Variants in CEACAM1 observed in about 807,000 individuals in gnomAD.
CEACAM1 encodes CEA cell adhesion molecule 1.
In CEACAM1, 31 loss-of-function variants were observed where a neutral mutation model predicts 49.1. The observed-to-expected ratio is 0.63, with a 90% CI of 0.47 to 0.85. CEACAM1 has a LOEUF of 0.85. CEACAM1 is among the 40% of genes least tolerant of loss of function. The pLI is 0.00. For missense variants in CEACAM1, 570 were observed against 645.3 expected (o/e 0.88, Z 1.26); for synonymous variants, 244 against 247.8 (o/e 0.98, Z 0.14).
intron 5 of CEACAM1, among the ~76,000 whole-genome samples, chr19:42,514,530 C>T (rs997558499): frequency 2.6e-5 from 4 of 152,226 alleles, no homozygotes; most frequent in South Asian, 2.1e-4. Context: ...CCTCCAGCCT[C>T]GGCCTCCCAA....
intron 7 of CEACAM1, chr19:42,511,208 C>T: frequency 1.7e-6 from 1 of 573,824 alleles, no homozygotes; most frequent in South Asian, 2.2e-5. Context: ...CAAGGAGGGG[C>T]ATTGAGACTT....
chr19:42,514,547 G>T (rs1052194196), intron 5 of CEACAM1, among the ~76,000 whole-genome samples: 1 of 152,210 alleles, frequency 6.6e-6, no homozygotes, highest in African/African-American at 2.4e-5. Context: ...CCAAATGTTG[G>T]GATTACAGGT....
Position 42,527,680 on chromosome 19 carries a change from G to A in CEACAM1, c.65-280C>T, listed in dbSNP as rs41394644. 511 of 364,414 alleles carry A rather than the reference G, an allele frequency of 1.4e-3. 2 individuals are homozygous for A. Among genetic ancestry groups the A allele is most frequent in the South Asian group, 2.3e-3 (41 of 18,066 alleles). The allele number at this position is 364,414 out of a possible 1,614,324, so 22.6% of individuals were successfully genotyped here. On this transcript the variant is annotated intron_variant, in intron 1 of 8. Transcript: ENST00000161559. ...CTGCCCTCAGATCTTGATCACATCAGGGTGCTCTTGGGAGATCCTTTCCCT... is the reference window on the plus strand; with the variant it reads ...CTGCCCTCAGATCTTGATCACATCAAGGTGCTCTTGGGAGATCCTTTCCCT...
In CEACAM1 at chr19:42,512,456, C is replaced by G. The variant is rs764752050; in HGVS notation, c.1270G>C (p.Gly424Arg). The change falls in exon 6 of 9, where the codon GGC becomes CGC. Residue 424 changes from glycine (G) to arginine (R), a missense_variant. By Grantham distance (125) the Gly-to-Arg change is moderately radical. Transcript: ENST00000161559. Reference sequence around the variant, plus strand: ...CCAGCAATGGCCCCAGGTGAGAGGCCATTTTCTTGTGGTAGAGCATTATCT... The same window carrying G: ...CCAGCAATGGCCCCAGGTGAGAGGCGATTTTCTTGTGGTAGAGCATTATCT... ...VNYNALPQEN[G>R]LSPGAIAGIV... 2 of 1,614,078 alleles carry G rather than the reference C, an allele frequency of 1.2e-6. No homozygotes were observed. Among genetic ancestry groups the G allele is most frequent in the Non-Finnish European group, 8.5e-7 (1 of 1,179,972 alleles).
intron 1 of CEACAM1, chr19:42,527,765 C>A: frequency 4.4e-6 from 1 of 225,172 alleles, no homozygotes; most frequent in Non-Finnish European, 8.7e-6. Flanking sequence ...TCTGTTCCCT[C>A]CAGGGCTCTT....
At chr19:42,519,684 C>T (rs978053877) in intron 4 of CEACAM1, among the ~76,000 whole-genome samples, 3 of 152,052 alleles carry the variant, frequency 2.0e-5, no homozygotes, top group African/African-American at 7.2e-5. Context: ...ATTCTCCTGC[C>T]TCAGCCTCCC....
At chr19:42,522,809 C>G (rs2041791765) in intron 2 of CEACAM1, among the ~76,000 whole-genome samples, 1 of 152,152 alleles carries the variant, frequency 6.6e-6, no homozygotes, top group South Asian at 2.1e-4. Context: ...CCGCCTCGGC[C>G]TCCCAAAGTG....
rs3038002 is a variant in CEACAM1 at position 42,527,504 on chromosome 19, AGTGTGTGTGTGTGTGTGT to A, written c.65-122_65-105del. 1.6e-4 allele frequency: 116 copies of A among 715,640 alleles called. No homozygotes were observed. The Admixed American group carries it at 2.1e-3, about 13-fold the overall frequency. The allele number at this position is 715,640 out of a possible 1,614,324, so 44.3% of individuals were successfully genotyped here. Reference sequence around the variant, plus strand: ...AGGTGTCTTCACCCCTCCACCTTGGAGTGTGTGTGTGTGTGTGTGTGTGTGTGTGTGTGTGTGTGTGTG... The same window carrying A: ...AGGTGTCTTCACCCCTCCACCTTGGAGTGTGTGTGTGTGTGTGTGTGTGTG... On this transcript the variant is annotated intron_variant, in intron 1 of 8. Coordinates refer to ENST00000161559, the MANE Select transcript of CEACAM1 (RefSeq NM_001712.5).
At position 42,509,174 on chromosome 19, in the gene CEACAM1, GT is replaced by G; in HGVS notation, c.1515del (p.Gln505HisfsTer9). The G allele has an allele frequency of 6.2e-7, 1 of 1,614,040 alleles. No homozygotes were observed. The highest frequency in any genetic ancestry group is 2.2e-5 in the East Asian group (1 of 44,888). On this transcript the variant is annotated frameshift_variant, in exon 9 of 9. Transcript: ENST00000161559. LOFTEE classifies it low-confidence loss of function (END_TRUNC). ...TLNFEAQQPT[Q>X]PTSASPSLTA... is the part of the protein sequence containing the mutation. ...GTTAGGGATGGGGAGGCTGAAGTTG[GT>G]TGTGTGGGTTGCTGGGCTTCAAAGT...
intron 2 of CEACAM1, among the ~76,000 whole-genome samples, chr19:42,525,260 T>A (rs2041862913): frequency 6.7e-6 from 1 of 149,360 alleles, no homozygotes; most frequent in Non-Finnish European, 1.5e-5. Context: ...AGTCTCACTC[T>A]GTCTCCCAGG....
At position 42,519,042 on chromosome 19, in the gene CEACAM1, G is replaced by A. The variant is rs141614295; in HGVS notation, c.1152C>T (p.Asn384=). ...TCCCAGCATCCTCCCTCTTGACAGG[G>A]TTTATGCTGAGGGTGGTGTTGCCCT... ...LSQGNTTLSI[N]PVKREDAGTY... is the part of the protein sequence containing the mutation. The change falls in exon 5 of 9, where the codon AAC becomes AAT. Residue 384 remains asparagine (N), a synonymous_variant. Transcript: ENST00000161559. 52 of 1,614,178 alleles carry A rather than the reference G, an allele frequency of 3.2e-5. No individual in the cohort carries two copies. The African/African-American group carries it at 6.1e-4, about 19-fold the overall frequency.
chr19:42,518,931 G>T lies in CEACAM1; in HGVS notation c.1246+17C>A, dbSNP rs2041669264. On this transcript the variant is annotated intron_variant, in intron 5 of 8. Coordinates refer to ENST00000161559, the MANE Select transcript of CEACAM1 (RefSeq NM_001712.5). ...AATCCTAGAGGGACATATAGGAAGG[G>T]GTGAGGAGTCACTTACAGTTTACGT... is the stretch of plus-strand genomic sequence containing the variant. 4.3e-6 allele frequency: 7 copies of T among 1,613,640 alleles called. No homozygotes were observed. The highest frequency in any genetic ancestry group is 5.1e-6 in the Non-Finnish European group (6 of 1,179,684).
intron 5 of CEACAM1, among the ~76,000 whole-genome samples, chr19:42,515,288 C>T (rs774320173): frequency 6.6e-6 from 1 of 151,986 alleles, no homozygotes; most frequent in Non-Finnish European, 1.5e-5. Flanking sequence ...ACCCCAAACC[C>T]GTGCAATACT....
chr19:42,528,308 C>T lies in CEACAM1; in HGVS notation c.64+3G>A, dbSNP rs1183744930. On this transcript the variant is annotated splice_donor_region_variant and intron_variant, in intron 1 of 8. Transcript: ENST00000161559. ...GCCCCTTCCCAGGGTGTCCTCCCCTCACCTGTGAGCAGAAGCCCCTGCCAG... is the reference window on the plus strand; with the variant it reads ...GCCCCTTCCCAGGGTGTCCTCCCCTTACCTGTGAGCAGAAGCCCCTGCCAG... 1.2e-6 allele frequency: 2 copies of T among 1,613,440 alleles called. No individual in the cohort carries two copies. Among genetic ancestry groups the T allele is most frequent in the South Asian group, 2.2e-5 (2 of 91,060 alleles).
intron 2 of CEACAM1, among the ~76,000 whole-genome samples, chr19:42,522,729 T>C (rs962501203): frequency 4.0e-5 from 6 of 150,386 alleles, no homozygotes; most frequent in Non-Finnish European, 6.0e-5. Flanking sequence ...GCCCGGCTAG[T>C]TTTTTGTATT....
intron 5 of CEACAM1, among the ~76,000 whole-genome samples, chr19:42,515,279 C>A (rs1247074880): frequency 2.0e-5 from 3 of 152,044 alleles, no homozygotes; most frequent in African/African-American, 7.2e-5. Flanking sequence ...AAAACAAAAA[C>A]CCCAAACCCG....
rs1247812097 is a variant in CEACAM1, at chr19:42,508,767, G to A, written c.*342C>T. On this transcript the variant is annotated 3_prime_UTR_variant, in exon 9 of 9. Transcript: ENST00000161559. ...TTAGAGTGATAGGACAGGACTGGGG[G>A]TGGGAAGGAATGAGTGCTCTGAACA... 2.7e-5 allele frequency: 7 copies of A among 260,160 alleles called. No homozygotes were observed. The allele number at this position is 260,160 out of a possible 1,614,324, so 16.1% of individuals were successfully genotyped here. A position where few individuals can be genotyped will look rare whatever the true frequency, so the allele number is the denominator to read the frequency against.
intron 5 of CEACAM1, chr19:42,515,044 G>A (rs1440681818): frequency 1.5e-6 from 1 of 675,976 alleles, no homozygotes; most frequent in African/African-American, 1.8e-5. Context: ...ACAGATGGGA[G>A]GATTGCTTGA....
intron 5 of CEACAM1, among the ~76,000 whole-genome samples, chr19:42,516,444 AAGAGGTGAAAGATTTGT>A (rs2041601447): frequency 6.6e-6 from 1 of 152,144 alleles, no homozygotes; most frequent in Non-Finnish European, 1.5e-5. Context: ...AACTTAACCA[AAGAGGTGAAAGATTTGT>A]ACCCTGAAAA....
Sources: allele counts gnomAD v4.1 joint callset (sites outside exome capture counted in the v4.1 genomes callset), GRCh38; gene constraint gnomAD v4.1.1; transcripts MANE v1.5; gene names NCBI Gene and HGNC (gene_info 2026-07-23, HGNC 2026-07-21).